Variants in ARHGAP10 observed in about 807,000 individuals in gnomAD.
ARHGAP10 encodes the protein rho GTPase-activating protein 10.
A neutral mutation model predicts 108.6 loss-of-function variants in ARHGAP10; 87 were observed. The observed-to-expected ratio is 0.80, with a 90% confidence interval of 0.67 to 0.96. The LOEUF (loss-of-function observed/expected upper bound fraction) is 0.96, where lower values mean the gene tolerates loss of function less well. Ranked by LOEUF, ARHGAP10 falls within the 40% of genes least tolerant of loss-of-function variation. The probability of loss-of-function intolerance (pLI) is 0.00; values close to 1 mark genes in which losing one functional copy is unlikely to be tolerated. For synonymous variants in ARHGAP10, 347 were observed against 341.1 expected (o/e 1.02, Z -0.19); for missense variants, 939 against 954.5 (o/e 0.98, Z 0.21).
intron 18 of ARHGAP10, among the ~76,000 whole-genome samples, chr4:148,020,188 A>G (rs2149661501): frequency 6.6e-6 from 1 of 152,278 alleles, no homozygotes; most frequent in African/African-American, 2.4e-5. Flanking sequence ...TGTGGTGTGT[A>G]TTTAGAATCT....
chr4:147,754,234 T>C (rs1349498870), intron 1 of ARHGAP10, among the ~76,000 whole-genome samples: 7 of 152,222 alleles, frequency 4.6e-5, no homozygotes, highest in African/African-American at 1.7e-4. Flanking sequence ...TTCAGGGCCT[T>C]TAATTCTTGT....
chr4:148,011,486 T>C (rs1741169984), intron 18 of ARHGAP10, among the ~76,000 whole-genome samples: 1 of 152,362 alleles, frequency 6.6e-6, no homozygotes, highest in East Asian at 1.9e-4. Context: ...AGCTTGAGCT[T>C]CCTCACAGAC....
intron 13 of ARHGAP10, among the ~76,000 whole-genome samples, chr4:147,930,324 C>T (rs1366218592): frequency 6.6e-6 from 1 of 152,170 alleles, no homozygotes; most frequent in South Asian, 2.1e-4. Context: ...TATTTTATTT[C>T]CGTATTTCCC....
At chr4:147,819,738 T>C (rs1732405215) in intron 1 of ARHGAP10, among the ~76,000 whole-genome samples, 2 of 152,052 alleles carry the variant, frequency 1.3e-5, no homozygotes, top group African/African-American at 4.8e-5. Flanking sequence ...TTTGTATTTC[T>C]AGTAGAGATG....
At chr4:147,775,173 A>G (rs370183517) in intron 1 of ARHGAP10, among the ~76,000 whole-genome samples, 125 of 152,240 alleles carry the variant, frequency 8.2e-4, no homozygotes, top group African/African-American at 2.8e-3. Flanking sequence ...TCGGCCCCCC[A>G]AAGTGCTGGG....
At position 147,886,827 on chromosome 4, in the gene ARHGAP10, G is replaced by T. The variant is rs187760174; in HGVS notation, c.1034+4895G>T. Among the ~76,000 whole-genome samples, 1,272 of 152,262 alleles carry T rather than the reference G, an allele frequency of 8.4e-3. 20 individuals are homozygous for T. The highest frequency in any genetic ancestry group is 9.1e-3 in the Non-Finnish European group (616 of 68,004). Reference sequence around the variant, plus strand: ...GCTCTGTCACCCAGGCTGGAGGGCAGTGGCACCATCTCTGCTCACCGCAAC... The same window carrying T: ...GCTCTGTCACCCAGGCTGGAGGGCATTGGCACCATCTCTGCTCACCGCAAC... On this transcript the variant is annotated intron_variant, in intron 10 of 22. Coordinates refer to ENST00000336498, the MANE Select transcript of ARHGAP10 (RefSeq NM_024605.4).
intron 1 of ARHGAP10, among the ~76,000 whole-genome samples, chr4:147,766,370 G>A (rs913721802): frequency 6.6e-6 from 1 of 151,832 alleles, no homozygotes; most frequent in African/African-American, 2.4e-5. Flanking sequence ...CATTACTTAC[G>A]ATACTTAATA....
intron 13 of ARHGAP10, among the ~76,000 whole-genome samples, chr4:147,919,217 ATAAC>A (rs1737123587): frequency 6.6e-6 from 1 of 152,246 alleles, no homozygotes; most frequent in African/African-American, 2.4e-5. Flanking sequence ...CATATCTTAA[ATAAC>A]AAATAATAAA....
intron 20 of ARHGAP10, among the ~76,000 whole-genome samples, chr4:148,058,703 C>G (rs777517274): frequency 1.3e-5 from 2 of 152,218 alleles, no homozygotes; most frequent in African/African-American, 4.8e-5. Flanking sequence ...GAATCAGAAG[C>G]AGCATGGACT....
At chr4:148,044,565 C>T (rs1049392594) in intron 19 of ARHGAP10, among the ~76,000 whole-genome samples, 4 of 152,116 alleles carry the variant, frequency 2.6e-5, no homozygotes, top group Admixed American at 6.6e-5. Flanking sequence ...TGAGGGCAGC[C>T]GTCATGCCAG....
At chr4:148,039,201 A>G (rs1296637628) in intron 19 of ARHGAP10, among the ~76,000 whole-genome samples, 1 of 152,018 alleles carries the variant, frequency 6.6e-6, no homozygotes, top group Non-Finnish European at 1.5e-5. Context: ...TTAAATACTT[A>G]AGGAATTTCT....
chr4:147,849,271 T>A (rs1051368314), intron 4 of ARHGAP10, among the ~76,000 whole-genome samples: 1 of 151,090 alleles, frequency 6.6e-6, no homozygotes, highest in Admixed American at 6.6e-5. Flanking sequence ...TACCAGCCCC[T>A]ACCCTGCCTT....
intron 16 of ARHGAP10, among the ~76,000 whole-genome samples, chr4:147,957,995 A>G (rs1490361866): frequency 1.3e-5 from 2 of 152,228 alleles, no homozygotes; most frequent in Non-Finnish European, 1.5e-5. Context: ...AACTAAACTT[A>G]TAAAAGGAAC....
At chr4:147,987,226 A>G (rs1740078852) in intron 18 of ARHGAP10, among the ~76,000 whole-genome samples, 1 of 152,270 alleles carries the variant, frequency 6.6e-6, no homozygotes, top group African/African-American at 2.4e-5. Context: ...AATCATTGTA[A>G]TTAAGAATGA....
chr4:147,944,564 C>T (rs180791730), intron 14 of ARHGAP10, among the ~76,000 whole-genome samples: 20 of 152,240 alleles, frequency 1.3e-4, no homozygotes, highest in Middle Eastern at 3.4e-3. Flanking sequence ...GTAGCATGCA[C>T]GACTTAATGT....
At chr4:147,779,027 G>A (rs896403131) in intron 1 of ARHGAP10, among the ~76,000 whole-genome samples, 5 of 152,172 alleles carry the variant, frequency 3.3e-5, no homozygotes, top group African/African-American at 1.2e-4. Context: ...GATGTGGAGG[G>A]TTTCTTCCGG....
At chr4:147,736,925 T>A (rs116530656) in intron 1 of ARHGAP10, among the ~76,000 whole-genome samples, 2,832 of 152,188 alleles carry the variant, frequency 0.019, 102 homozygotes, top group African/African-American at 0.065. Flanking sequence ...GAAGGATGGT[T>A]TTCTACTTTT....
intron 18 of ARHGAP10, among the ~76,000 whole-genome samples, chr4:147,998,077 A>C (rs557003193): frequency 2.0e-5 from 3 of 152,298 alleles, no homozygotes; most frequent in African/African-American, 7.2e-5. Context: ...AAATGAAATA[A>C]GCATTCACCT....
chr4:147,910,004 G>C (rs990323035), intron 12 of ARHGAP10, among the ~76,000 whole-genome samples: 2 of 150,900 alleles, frequency 1.3e-5, no homozygotes, highest in East Asian at 1.9e-4. Flanking sequence ...CCCATCTGTG[G>C]GCTTTTCTTT....
Sources: gnomAD v4.1 joint callset for allele counts (sites outside exome capture counted in the v4.1 genomes callset) on GRCh38, gnomAD v4.1.1 for gene constraint, MANE v1.5 for transcripts, NCBI Gene and HGNC (gene_info 2026-07-23, HGNC 2026-07-21) for gene names.